BABAM2: variants seen among roughly 807,000 people sequenced by gnomAD.
BABAM2 encodes BRISC and BRCA1-A complex member 2.
In BABAM2, 31 loss-of-function variants were observed where a neutral mutation model predicts 54.7. The ratio of observed to expected loss-of-function variants is 0.57; its 90% CI spans 0.43 to 0.77. The LOEUF is 0.77. Among genes scored for constraint, BABAM2 ranks in the 30% least tolerant of loss-of-function variants. The pLI is 0.00. For synonymous variants in BABAM2, 167 were observed against 162.9 expected (o/e 1.03, Z -0.19); for missense variants, 364 against 455.8 (o/e 0.80, Z 1.83).
chr2:27,983,458 A>G (rs557306200), intron 3 of BABAM2, among the ~76,000 whole-genome samples: 1 of 152,202 alleles, frequency 6.6e-6, no homozygotes, highest in East Asian at 1.9e-4. Context: ...CCATTTTCAT[A>G]TGATTTTTAG....
intron 3 of BABAM2, among the ~76,000 whole-genome samples, chr2:27,981,271 A>G (rs1293361791): frequency 1.3e-5 from 2 of 152,170 alleles, no homozygotes; most frequent in East Asian, 3.8e-4. Context: ...CTATTCAGTA[A>G]ACACTTTGTA....
At chr2:28,302,634 T>C (rs1688198952) in intron 11 of BABAM2, among the ~76,000 whole-genome samples, 1 of 152,212 alleles carries the variant, frequency 6.6e-6, no homozygotes, top group African/African-American at 2.4e-5. Flanking sequence ...GGAGTACATA[T>C]GTGATTAACT....
At chr2:28,142,591 G>A (rs957270704) in intron 7 of BABAM2, among the ~76,000 whole-genome samples, 6 of 152,048 alleles carry the variant, frequency 3.9e-5, no homozygotes, top group African/African-American at 1.4e-4. Context: ...TGTCAGATTG[G>A]GTTTCTTTGT....
intron 6 of BABAM2, among the ~76,000 whole-genome samples, chr2:28,088,396 C>G (rs977868640): frequency 2.0e-5 from 3 of 152,198 alleles, no homozygotes; most frequent in Non-Finnish European, 4.4e-5. Context: ...TAGTTCTTTA[C>G]AACTCCAGTG....
intron 6 of BABAM2, among the ~76,000 whole-genome samples, chr2:28,061,509 T>C (rs971493014): frequency 1.9e-4 from 27 of 141,764 alleles, no homozygotes; most frequent in African/African-American, 6.7e-4. Flanking sequence ...GACGTGAACC[T>C]GGGAGGCGGA....
chr2:28,236,275 G>A (rs562820996), intron 7 of BABAM2, among the ~76,000 whole-genome samples: 15 of 152,124 alleles, frequency 9.9e-5, no homozygotes, highest in African/African-American at 2.7e-4. Flanking sequence ...TGAAATGTAC[G>A]CCTTAAAGTT....
intron 6 of BABAM2, among the ~76,000 whole-genome samples, chr2:28,089,118 C>T (rs1057294738): frequency 6.6e-6 from 1 of 151,936 alleles, no homozygotes; most frequent in African/African-American, 2.4e-5. Context: ...TTTTTACGAA[C>T]TCTCCTGGCC....
At chr2:28,124,535 GT>G (rs1273050445) in intron 6 of BABAM2, among the ~76,000 whole-genome samples, 1 of 152,128 alleles carries the variant, frequency 6.6e-6, no homozygotes, top group Non-Finnish European at 1.5e-5. Flanking sequence ...CCAGCATTTA[GT>G]TTCTAGACAT....
At chr2:28,144,557 G>C (rs1162337292) in intron 7 of BABAM2, among the ~76,000 whole-genome samples, 1 of 152,114 alleles carries the variant, frequency 6.6e-6, no homozygotes, top group Admixed American at 6.5e-5. Flanking sequence ...GGACTTGCTT[G>C]TATATAAGCC....
chr2:28,039,675 G>A (rs1006703494), intron 5 of BABAM2, among the ~76,000 whole-genome samples: 1 of 152,228 alleles, frequency 6.6e-6, no homozygotes, highest in Non-Finnish European at 1.5e-5. Context: ...ACTCCATTCT[G>A]CACAAAATGT....
At chr2:27,911,948 C>T (rs1364034006) in intron 2 of BABAM2, among the ~76,000 whole-genome samples, 3 of 152,182 alleles carry the variant, frequency 2.0e-5, no homozygotes, top group Non-Finnish European at 2.9e-5. Flanking sequence ...CACTACTTTG[C>T]CTACACTATA....
At chr2:28,197,820 G>T (rs1013085758) in intron 7 of BABAM2, among the ~76,000 whole-genome samples, 5 of 152,144 alleles carry the variant, frequency 3.3e-5, no homozygotes, top group African/African-American at 1.2e-4. Context: ...AACCTCAGAG[G>T]CCAGAAATAA....
At chr2:28,086,952 G>A (rs1402782034) in intron 6 of BABAM2, among the ~76,000 whole-genome samples, 1 of 152,114 alleles carries the variant, frequency 6.6e-6, no homozygotes, top group Non-Finnish European at 1.5e-5. Context: ...CACCATACTT[G>A]AGCAATCTCC....
intron 9 of BABAM2, 136 bp from the exon 10 acceptor site, chr2:28,244,644 C>T (rs964188244): frequency 4.2e-6 from 3 of 715,328 alleles, no homozygotes; most frequent in Non-Finnish European, 6.9e-6. Flanking sequence ...CTGCATTAAT[C>T]CTCACTTGCC....
Position 28,149,077 on chromosome 2 carries a change from G to A in BABAM2, c.680+19697G>A, listed in dbSNP as rs1455552591. On this transcript the variant is annotated intron_variant, in intron 7 of 11. Coordinates refer to ENST00000379624, the MANE Select transcript of BABAM2 (RefSeq NM_199191.3). ...TATGTCACTCATCACAGTAAAGAGA[G>A]AATGCTAAGCCCATTGTACTATTCC... 2.0e-5 allele frequency among the ~76,000 whole-genome samples: 3 copies of A among 152,152 alleles called. 1 individual carries two copies. Among genetic ancestry groups the A allele is most frequent in the Non-Finnish European group, 4.4e-5 (3 of 68,028 alleles).
intron 10 of BABAM2, among the ~76,000 whole-genome samples, chr2:28,249,016 C>A (rs2148093687): frequency 6.6e-6 from 1 of 151,822 alleles, no homozygotes; most frequent in South Asian, 2.1e-4. Flanking sequence ...AGCCTGTGGG[C>A]CAAATCCCGT....
chr2:28,161,715 C>A (rs1020987302), intron 7 of BABAM2, among the ~76,000 whole-genome samples: 1 of 152,132 alleles, frequency 6.6e-6, no homozygotes, highest in African/African-American at 2.4e-5. Flanking sequence ...CTTTTTGGCT[C>A]TTGTTCCCCT....
At chr2:28,138,792 A>G (rs757070289) in intron 7 of BABAM2, among the ~76,000 whole-genome samples, 7 of 152,070 alleles carry the variant, frequency 4.6e-5, no homozygotes, top group African/African-American at 1.7e-4. Context: ...ATCAATTGCC[A>G]GTTCATTTTG....
chr2:27,954,749 G>A (rs1399832828), intron 3 of BABAM2, among the ~76,000 whole-genome samples: 1 of 152,172 alleles, frequency 6.6e-6, no homozygotes. Flanking sequence ...TAATATTAAT[G>A]TTAAAAACAA....
Sources: allele counts gnomAD v4.1 joint callset (sites outside exome capture counted in the v4.1 genomes callset), GRCh38; gene constraint gnomAD v4.1.1; transcripts MANE v1.5; gene names NCBI Gene and HGNC (gene_info 2026-07-23, HGNC 2026-07-21).